Variants in CLVS1 observed in about 807,000 individuals in gnomAD.
CLVS1 encodes clavesin 1.
A neutral mutation model predicts 33.1 loss-of-function variants in CLVS1; 10 were observed. That is an observed-to-expected ratio of 0.30 (90% confidence interval 0.19 to 0.51). The LOEUF (loss-of-function observed/expected upper bound fraction) is 0.51, where lower values mean the gene tolerates loss of function less well. Among genes scored for constraint, CLVS1 ranks in the 20% least tolerant of loss-of-function variants. CLVS1 has a pLI of 0.97. For synonymous variants in CLVS1, 163 were observed against 166.1 expected (o/e 0.98, Z 0.14); for missense variants, 343 against 433.4 (o/e 0.79, Z 1.85).
intron 5 of CLVS1, among the ~76,000 whole-genome samples, chr8:61,471,947 A>T (rs907571090): frequency 6.6e-6 from 1 of 152,154 alleles, no homozygotes; most frequent in African/African-American, 2.4e-5. Flanking sequence ...GGGCACACAC[A>T]GCCCCCATCA....
chr8:61,192,689 C>T (rs887457251), intron 2 of CLVS1, among the ~76,000 whole-genome samples: 2 of 151,964 alleles, frequency 1.3e-5, no homozygotes, highest in Admixed American at 6.6e-5. Context: ...AACAAACAAC[C>T]CCATCAAAAA....
At chr8:61,493,137 C>A (rs1381860789) in intron 5 of CLVS1, among the ~76,000 whole-genome samples, 1 of 152,064 alleles carries the variant, frequency 6.6e-6, no homozygotes, top group East Asian at 1.9e-4. Context: ...ATAAGGTTAG[C>A]TTTTATGTGA....
chr8:61,009,854 A>G, the CLVS1 span, among the ~76,000 whole-genome samples: 2 of 152,228 alleles, frequency 1.3e-5, no homozygotes, highest in Non-Finnish European at 2.9e-5. Flanking sequence ...TATCTTGAGG[A>G]TTAACTTCCT....
chr8:61,007,606 G>A, the CLVS1 span, among the ~76,000 whole-genome samples: 3 of 152,166 alleles, frequency 2.0e-5, no homozygotes, highest in African/African-American at 4.8e-5. Context: ...CCAAGCCATG[G>A]AACTTTGAAC....
intron 5 of CLVS1, among the ~76,000 whole-genome samples, chr8:61,484,159 G>C (rs1048391724): frequency 6.6e-6 from 1 of 152,198 alleles, no homozygotes; most frequent in Non-Finnish European, 1.5e-5. Context: ...AATTGTTCCT[G>C]TTTGCACATG....
chr8:61,493,613 G>T (rs1485459064), intron 5 of CLVS1, among the ~76,000 whole-genome samples: 2 of 152,142 alleles, frequency 1.3e-5, no homozygotes, highest in Non-Finnish European at 2.9e-5. Context: ...GAATTTCCTT[G>T]ATACTTAAAG....
intron 3 of CLVS1, among the ~76,000 whole-genome samples, chr8:61,440,862 C>A (rs1234078227): frequency 2.6e-5 from 4 of 152,172 alleles, no homozygotes; most frequent in Non-Finnish European, 5.9e-5. Flanking sequence ...TAAGAAAATC[C>A]ATTGCCTATT....
chr8:61,247,456 C>T (rs1436732772), intron 2 of CLVS1, among the ~76,000 whole-genome samples: 3 of 152,280 alleles, frequency 2.0e-5, no homozygotes, highest in East Asian at 1.9e-4. Flanking sequence ...ACCTCATCAG[C>T]GTCTACTATT....
In CLVS1 at chr8:61,406,330, G is replaced by C. The variant is rs74446384; in HGVS notation, c.630+29551G>C. On this transcript the variant is annotated intron_variant, in intron 3 of 5. Transcript: ENST00000325897. ...CTGTCAGAACAGATCAGTGAATTTA[G>C]AGAAGAAAAGAAATAGTGATAAAAA... 5.7e-3 allele frequency among the ~76,000 whole-genome samples: 869 copies of C among 152,244 alleles called. 9 individuals are homozygous for C. The highest frequency in any genetic ancestry group is 0.02 in the African/African-American group (850 of 41,538).
At chr8:61,250,509 G>C (rs1379067782) in intron 2 of CLVS1, among the ~76,000 whole-genome samples, 1 of 152,194 alleles carries the variant, frequency 6.6e-6, no homozygotes, top group Admixed American at 6.5e-5. Context: ...ACTCTGGGCA[G>C]TATGGCCATT....
At chr8:61,015,168 C>T in the CLVS1 span, among the ~76,000 whole-genome samples, 2 of 152,358 alleles carry the variant, frequency 1.3e-5, no homozygotes, top group Middle Eastern at 3.4e-3. Context: ...CACATAGTGA[C>T]CACTGGCTGC....
chr8:61,340,758 A>G (rs968316457), intron 2 of CLVS1, among the ~76,000 whole-genome samples: 9 of 152,196 alleles, frequency 5.9e-5, no homozygotes, highest in Non-Finnish European at 8.8e-5. Context: ...AGGACCCTCC[A>G]TATTGTTTTC....
At chr8:61,271,745 A>C (rs1809442874) in intron 2 of CLVS1, among the ~76,000 whole-genome samples, 1 of 140,100 alleles carries the variant, frequency 7.1e-6, no homozygotes, top group African/African-American at 2.8e-5. Context: ...CTTCTTGTTG[A>C]ATTGATCCCT....
At chr8:61,183,943 G>A (rs757809475) in intron 2 of CLVS1, among the ~76,000 whole-genome samples, 8 of 152,114 alleles carry the variant, frequency 5.3e-5, no homozygotes, top group African/African-American at 1.4e-4. Context: ...AGAATATAAC[G>A]TGTTGTTTCG....
intron 2 of CLVS1, among the ~76,000 whole-genome samples, chr8:61,207,328 GGAATGTGCAGAGGTGCATGGGCTCCA>G (rs1387584872): frequency 1.4e-5 from 2 of 138,212 alleles, no homozygotes; most frequent in Non-Finnish European, 1.5e-5. Flanking sequence ...ATGGGCTCCA[GGAATGTGCAGAGGTGCATGGGCTCCA>G]GGGATTTGCA....
At chr8:61,252,225 T>C (rs1015640650) in intron 2 of CLVS1, among the ~76,000 whole-genome samples, 3 of 152,202 alleles carry the variant, frequency 2.0e-5, no homozygotes, top group African/African-American at 7.2e-5. Flanking sequence ...AGTTTTGTGG[T>C]TTTGAGTGAG....
At chr8:61,481,257 C>G (rs1356065670) in intron 5 of CLVS1, among the ~76,000 whole-genome samples, 1 of 152,084 alleles carries the variant, frequency 6.6e-6, no homozygotes, top group Admixed American at 6.6e-5. Context: ...TCCAAGATGG[C>G]TAAATATGAG....
intron 3 of CLVS1, among the ~76,000 whole-genome samples, chr8:61,443,640 A>G (rs1002322462): frequency 2.0e-5 from 3 of 152,190 alleles, no homozygotes; most frequent in Non-Finnish European, 4.4e-5. Flanking sequence ...CTTGATTGCT[A>G]TAACTACATG....
chr8:61,151,336 G>A (rs1001594413), intron 2 of CLVS1, among the ~76,000 whole-genome samples: 2 of 152,124 alleles, frequency 1.3e-5, no homozygotes, highest in Non-Finnish European at 2.9e-5. Context: ...AGGCCCTTGG[G>A]CTCTATTCTT....
Sources: gnomAD v4.1 joint callset for allele counts (sites outside exome capture counted in the v4.1 genomes callset) on GRCh38, gnomAD v4.1.1 for gene constraint, MANE v1.5 for transcripts, NCBI Gene and HGNC (gene_info 2026-07-23, HGNC 2026-07-21) for gene names.